The following MOCOS variants were observed in gnomAD, a reference collection of about 807,000 sequenced individuals.
The protein encoded by MOCOS is molybdenum cofactor sulfurase.
A neutral mutation model predicts 83.6 loss-of-function variants in MOCOS; 86 were observed. The ratio of observed to expected loss-of-function variants is 1.03; its 90% CI spans 0.86 to 1.23. The LOEUF (loss-of-function observed/expected upper bound fraction) is 1.23, where lower values mean the gene tolerates loss of function less well. Ranked by LOEUF, MOCOS falls within the 50% of genes most tolerant of loss-of-function variation. The pLI is 0.00. For synonymous variants in MOCOS, 445 were observed against 434.7 expected (o/e 1.02, Z -0.29); for missense variants, 1,120 against 1,126.9 (o/e 0.99, Z 0.09).
chr18:36,220,864 G>T (rs1374524144), intron 9 of MOCOS, among the ~76,000 whole-genome samples: 1 of 152,088 alleles, frequency 6.6e-6, no homozygotes, highest in African/African-American at 2.4e-5. Flanking sequence ...CAGAGGTGGA[G>T]GCTGCAGTGA....
intron 9 of MOCOS, among the ~76,000 whole-genome samples, chr18:36,229,345 C>T (rs1395939576): frequency 6.6e-6 from 1 of 151,858 alleles, no homozygotes; most frequent in Non-Finnish European, 1.5e-5. Flanking sequence ...CTTTGTCTGG[C>T]CTACAAAATT....
intron 1 of MOCOS, among the ~76,000 whole-genome samples, chr18:36,190,472 G>C (rs1192311664): frequency 6.6e-6 from 1 of 152,160 alleles, no homozygotes; most frequent in Admixed American, 6.5e-5. Flanking sequence ...AGCACAAACT[G>C]GGTATGGTGG....
intron 6 of MOCOS, 95 bp downstream of exon 6, chr18:36,205,371 A>C: frequency 8.0e-7 from 1 of 1,243,708 alleles, no homozygotes. Context: ...ACTGTTGAAG[A>C]GGCCACCAGG....
In MOCOS at chr18:36,236,648, G is replaced by GT. The variant is rs2091560301; in HGVS notation, c.1961-12268dup. Among the ~76,000 whole-genome samples the GT allele has an allele frequency of 5.1e-5, 7 of 136,648 alleles. No homozygotes were observed. In the South Asian group the frequency reaches 1.6e-3, roughly 32 times the overall value. 89.6% of individuals were successfully genotyped at this position (136,648 alleles called of 152,430 possible). A position where few individuals can be genotyped will look rare whatever the true frequency, so the allele number is the denominator to read the frequency against. ...TTGGTTCCATATGAACTTTAAAGTAGTTTTTTCCAATTCTGTGAAGAAAGG... is the reference window on the plus strand; with the variant it reads ...TTGGTTCCATATGAACTTTAAAGTAGTTTTTTTCCAATTCTGTGAAGAAAGG... On this transcript the variant is annotated intron_variant, in intron 9 of 14. Transcript: ENST00000261326.
At chr18:36,221,961 G>T (rs2091497815) in intron 9 of MOCOS, among the ~76,000 whole-genome samples, 1 of 152,142 alleles carries the variant, frequency 6.6e-6, no homozygotes, top group Admixed American at 6.5e-5. Flanking sequence ...CCGACCTCAG[G>T]TGATCTGCCC....
At position 36,235,124 on chromosome 18, in the gene MOCOS, A is replaced by T. The variant is rs141639155; in HGVS notation, c.1961-13798A>T. Among the ~76,000 whole-genome samples, 1,000 of 151,246 alleles carry T rather than the reference A, an allele frequency of 6.6e-3. 13 individuals are homozygous for T. The highest frequency in any genetic ancestry group is 0.023 in the African/African-American group (928 of 41,120). The stretch of plus-strand genomic sequence containing the variant: ...CCTTCTCAACAGTACCCCAAAATCA[A>T]TTTTTTTAAATTTTTTTATTATTAT... On this transcript the variant is annotated intron_variant, in intron 9 of 14. Transcript: ENST00000261326.
In MOCOS at chr18:36,260,112, T is replaced by TGGAAAAAAGAAAAAAAA. The variant is rs1472756753; in HGVS notation, c.2353_2354insAGAAAAAAAAGGAAAAA (p.Arg785LysfsTer35). 16 of 1,614,082 alleles carry TGGAAAAAAGAAAAAAAA rather than the reference T, an allele frequency of 9.9e-6. No individual in the cohort carries two copies. In the Admixed American group the frequency reaches 2.7e-4, roughly 27 times the overall value. Reference sequence around the variant, plus strand: ...GTTTTCGTGCCAATATTATTATCAATGGAAAAAGGGCTTTTGAAGAAGAGA... The same window carrying TGGAAAAAAGAAAAAAAA: ...GTTTTCGTGCCAATATTATTATCAATGGAAAAAAGAAAAAAAAGGAAAAAGGGCTTTTGAAGAAGAGA... On this transcript the variant is annotated frameshift_variant, in exon 13 of 15. Transcript: ENST00000261326. LOFTEE classifies it high-confidence loss of function.
At chr18:36,203,447 A>T (rs772655058) in intron 5 of MOCOS, among the ~76,000 whole-genome samples, 1 of 152,244 alleles carries the variant, frequency 6.6e-6, no homozygotes, top group Non-Finnish European at 1.5e-5. Flanking sequence ...GGAGATTGCT[A>T]GCTTCACAGA....
chr18:36,187,876 A>G (rs966558240), intron 1 of MOCOS, among the ~76,000 whole-genome samples, 195 bp downstream of exon 1: 2 of 151,866 alleles, frequency 1.3e-5, no homozygotes, highest in African/African-American at 4.8e-5. Context: ...GCTTCTTGCT[A>G]CTCTTACTCT....
chr18:36,242,065 T>C (rs2144129396), intron 9 of MOCOS, among the ~76,000 whole-genome samples: 1 of 152,374 alleles, frequency 6.6e-6, no homozygotes, highest in East Asian at 1.9e-4. Context: ...GTTTTCCCCA[T>C]TGCTTTGGCA....
chr18:36,264,766 G>A (rs1014391472), intron 13 of MOCOS, among the ~76,000 whole-genome samples: 2 of 151,602 alleles, frequency 1.3e-5, no homozygotes, highest in African/African-American at 2.4e-5. Context: ...GAATGTGAGC[G>A]TCAACCTAAA....
chr18:36,247,853 A>G (rs1056204737), intron 9 of MOCOS, among the ~76,000 whole-genome samples: 2 of 152,252 alleles, frequency 1.3e-5, no homozygotes. Flanking sequence ...AAAAGTTCAC[A>G]GTGTGAGTCT....
chr18:36,251,103 T>C (rs2091619984), intron 10 of MOCOS, 56 bp from the exon 11 acceptor site: 1 of 1,569,654 alleles, frequency 6.4e-7, no homozygotes, highest in Non-Finnish European at 8.7e-7. Flanking sequence ...CAATTCAGAT[T>C]ATTATTTAAA....
chr18:36,211,918 G>T (rs1436893770), intron 6 of MOCOS, among the ~76,000 whole-genome samples: 1 of 152,172 alleles, frequency 6.6e-6, no homozygotes, highest in African/African-American at 2.4e-5. Context: ...ATGCCCTATT[G>T]GCTTTGTTCC....
intron 11 of MOCOS, 128 bp from the exon 12 acceptor site, chr18:36,256,840 C>T: frequency 1.2e-6 from 1 of 827,248 alleles, no homozygotes; most frequent in Middle Eastern, 2.2e-4. Context: ...TTTATTATTG[C>T]CAGGACATCA....
intron 6 of MOCOS, 40 bp downstream of exon 6, chr18:36,205,316 A>C: frequency 3.2e-5 from 50 of 1,576,520 alleles, no homozygotes; most frequent in Non-Finnish European, 3.8e-5. Flanking sequence ...ATTACAACTC[A>C]TCCTAGTTCC....
At chr18:36,213,527 A>C (rs187382818) in intron 7 of MOCOS, 45 bp downstream of exon 7, 1 of 1,516,506 alleles carries the variant, frequency 6.6e-7, no homozygotes, top group South Asian at 1.1e-5. Context: ...AGCGAGACCC[A>C]GCAACACCTG....
At chr18:36,225,425 C>T (rs2091511781) in intron 9 of MOCOS, among the ~76,000 whole-genome samples, 1 of 152,200 alleles carries the variant, frequency 6.6e-6, no homozygotes, top group Non-Finnish European at 1.5e-5. Context: ...GCTGGGATTA[C>T]AAGCGTGAGC....
At chr18:36,216,111 C>T in intron 8 of MOCOS, 134 bp downstream of exon 8, 2 of 957,764 alleles carry the variant, frequency 2.1e-6, no homozygotes, top group Non-Finnish European at 3.1e-6. Context: ...CATTCTCACT[C>T]TCCCTTTCTT....
Sources: gnomAD v4.1 joint callset for allele counts (sites outside exome capture counted in the v4.1 genomes callset) on GRCh38, gnomAD v4.1.1 for gene constraint, MANE v1.5 for transcripts, NCBI Gene and HGNC (gene_info 2026-07-23, HGNC 2026-07-21) for gene names.